Variants in TXNDC11 observed in about 807,000 individuals in gnomAD.
TXNDC11 encodes the protein thioredoxin domain containing 11.
A neutral mutation model predicts 78.0 loss-of-function variants in TXNDC11; 68 were observed. That is an observed-to-expected ratio of 0.87 (90% CI 0.72 to 1.07). The LOEUF (loss-of-function observed/expected upper bound fraction) is 1.07, where lower values mean the gene tolerates loss of function less well. Among genes scored for constraint, TXNDC11 ranks in the 50% least tolerant of loss-of-function variants. The pLI is 0.00. For synonymous variants in TXNDC11, 571 were observed against 495.2 expected, an observed-to-expected ratio of 1.15 and a Z score of -2.03; for missense variants, 1,389 against 1,221.8, an observed-to-expected ratio of 1.14 and a Z score of -2.04.
chr16:11,733,955 G>C (rs2052135883), intron 3 of TXNDC11, 27 bp downstream of exon 3: 1 of 1,504,100 alleles, frequency 6.6e-7, no homozygotes, highest in Non-Finnish European at 9.2e-7. Flanking sequence ...AAACTGGAAT[G>C]AGAGACGCTA....
intron 5 of TXNDC11, among the ~76,000 whole-genome samples, chr16:11,704,208 A>G (rs1295051168): frequency 3.9e-5 from 6 of 152,238 alleles, no homozygotes. Context: ...TTGAGCAACA[A>G]AATAAACAAT....
chr16:11,693,531 C>T (rs916945980), intron 7 of TXNDC11, among the ~76,000 whole-genome samples: 1 of 151,868 alleles, frequency 6.6e-6, no homozygotes, highest in Non-Finnish European at 1.5e-5. Context: ...TTTAAAAACA[C>T]AAGTTTTATA....
At position 11,688,398 on chromosome 16, in the gene TXNDC11, G is replaced by C; in HGVS notation, c.1948C>G (p.His650Asp). ...TGGGCAGAGCCACTTCCAATGAGAT[G>C]CCTTTTCAAGGGACTATAGAGAACG... The part of the protein sequence containing the change: ...FSVLYSPLKR[H>D]LIGSGSAQFP... Residue 650 changes from histidine (H) to aspartate (D), a missense_variant, in exon 9 of 12, where the codon CAT becomes GAT. Transcript: ENST00000283033. 6.2e-7 allele frequency: 1 copy of C among 1,613,914 alleles called. No individual in the cohort carries two copies. Among genetic ancestry groups the C allele is most frequent in the Non-Finnish European group, 8.5e-7 (1 of 1,179,816 alleles).
intron 4 of TXNDC11, among the ~76,000 whole-genome samples, chr16:11,724,284 A>G (rs988159641): frequency 6.6e-6 from 1 of 152,222 alleles, no homozygotes; most frequent in African/African-American, 2.4e-5. Flanking sequence ...CTCTGTCTCA[A>G]AAAAACAATC....
intron 10 of TXNDC11, among the ~76,000 whole-genome samples, chr16:11,686,721 T>A (rs550787414): frequency 6.6e-6 from 1 of 152,366 alleles, no homozygotes; most frequent in East Asian, 1.9e-4. Context: ...GTTTATTTAC[T>A]CTCTCCTCTT....
intron 7 of TXNDC11, among the ~76,000 whole-genome samples, chr16:11,692,546 GGAT>G (rs2050750650): frequency 6.6e-6 from 1 of 152,122 alleles, no homozygotes; most frequent in African/African-American, 2.4e-5. Context: ...AAAGAGGTAA[GGAT>G]GTTAAGATCT....
At chr16:11,730,530 C>A in intron 4 of TXNDC11, 115 bp downstream of exon 4, 1 of 1,087,946 alleles carries the variant, frequency 9.2e-7, no homozygotes, top group Non-Finnish European at 1.3e-6. Flanking sequence ...TATCACATGA[C>A]CTTTTACTTG....
chr16:11,742,065 G>T, intron 1 of TXNDC11: 1 of 181,588 alleles, frequency 5.5e-6, no homozygotes. Context: ...AATGAGTGCG[G>T]GAATTCTAAA....
intron 5 of TXNDC11, among the ~76,000 whole-genome samples, chr16:11,709,455 G>C (rs2051277868): frequency 1.1e-5 from 1 of 88,770 alleles, no homozygotes; most frequent in African/African-American, 4.8e-5. Flanking sequence ...TTTTTTTTGA[G>C]ACGGAGTCTC....
In TXNDC11 at chr16:11,698,151, C is replaced by T. The variant is rs2050908714; in HGVS notation, c.1081G>A (p.Ala361Thr). 6.2e-7 allele frequency: 1 copy of T among 1,614,102 alleles called. No individual in the cohort carries two copies. The highest frequency in any genetic ancestry group is 1.1e-5 in the South Asian group (1 of 91,092). ...TCGTCTATTAAAGGATGACTTTCGG[C>T]CAGGGGATTAAAAGGTATGAACAGA... The part of the protein sequence containing the change: ...LFLFIPFNPL[A>T]ESHPLIDEIT... Residue 361 changes from alanine to threonine, a missense_variant, in exon 7 of 12, where the codon GCC (alanine) becomes ACC (threonine). By Grantham distance (58) the Ala-to-Thr change is moderately conservative. Coordinates refer to ENST00000283033, the MANE Select transcript of TXNDC11 (RefSeq NM_015914.7).
chr16:11,695,129 T>C (rs1444922590), intron 7 of TXNDC11, among the ~76,000 whole-genome samples: 1 of 152,152 alleles, frequency 6.6e-6, no homozygotes, highest in African/African-American at 2.4e-5. Context: ...TAATACACAC[T>C]GTGATGTCTT....
At chr16:11,701,708 A>G (rs1330764341) in intron 5 of TXNDC11, among the ~76,000 whole-genome samples, 1 of 152,226 alleles carries the variant, frequency 6.6e-6, no homozygotes, top group Non-Finnish European at 1.5e-5. Context: ...ATTAAAACAA[A>G]AGACTACTTT....
At chr16:11,704,751 G>C (rs1191828842) in intron 5 of TXNDC11, among the ~76,000 whole-genome samples, 1 of 152,180 alleles carries the variant, frequency 6.6e-6, no homozygotes, top group Non-Finnish European at 1.5e-5. Flanking sequence ...CAGAGGATTT[G>C]TCATAGGTTG....
intron 1 of TXNDC11, among the ~76,000 whole-genome samples, chr16:11,738,927 T>C (rs974541737): frequency 1.3e-5 from 2 of 151,982 alleles, no homozygotes; most frequent in African/African-American, 4.8e-5. Context: ...CTTGGGAGGC[T>C]GAGGCAGGAG....
chr16:11,735,764 A>G lies in TXNDC11; in HGVS notation c.471+253T>C, dbSNP rs553820603. On this transcript the variant is annotated intron_variant, in intron 2 of 11. Transcript: ENST00000283033. ...ACCTTTTTCAATGCTGAAACCAAAC[A>G]GTATGGCACCCCAGGATAAGCATTG... 1.6e-3 allele frequency among the ~76,000 whole-genome samples: 242 copies of G among 152,348 alleles called. 2 individuals are homozygous for G. The highest frequency in any genetic ancestry group is 5.7e-3 in the African/African-American group (235 of 41,580).
At chr16:11,696,477 G>C (rs563584869) in intron 7 of TXNDC11, among the ~76,000 whole-genome samples, 1 of 152,290 alleles carries the variant, frequency 6.6e-6, no homozygotes, top group Admixed American at 6.5e-5. Context: ...AGATGGTGTC[G>C]CATCTATCCT....
At chr16:11,693,333 C>G (rs1458954124) in intron 7 of TXNDC11, among the ~76,000 whole-genome samples, 1 of 152,178 alleles carries the variant, frequency 6.6e-6, no homozygotes, top group Non-Finnish European at 1.5e-5. Context: ...ATTCTGGTTT[C>G]CTGAGAAAGA....
intron 8 of TXNDC11, among the ~76,000 whole-genome samples, chr16:11,690,427 G>A (rs1312555231): frequency 6.6e-6 from 1 of 152,152 alleles, no homozygotes; most frequent in Non-Finnish European, 1.5e-5. Flanking sequence ...GGTACCCCAG[G>A]TCCCAGCAAT....
intron 4 of TXNDC11, among the ~76,000 whole-genome samples, chr16:11,726,724 T>A (rs540797406): frequency 6.6e-6 from 1 of 152,092 alleles, no homozygotes; most frequent in Non-Finnish European, 1.5e-5. Context: ...AACAATAGAA[T>A]AAGCATACAT....
Sources: gnomAD v4.1 joint callset for allele counts (sites outside exome capture counted in the v4.1 genomes callset) on GRCh38, gnomAD v4.1.1 for gene constraint, MANE v1.5 for transcripts, NCBI Gene and HGNC (gene_info 2026-07-23, HGNC 2026-07-21) for gene names.